Variants in PDSS2 observed in about 807,000 individuals in gnomAD.
The protein encoded by PDSS2 is all trans-polyprenyl-diphosphate synthase PDSS2.
Under a neutral mutation model 44.5 loss-of-function variants are expected in PDSS2, and 31 were observed. That is an observed-to-expected ratio of 0.70 (90% CI 0.52 to 0.94). The LOEUF is 0.94. PDSS2 is among the 40% of genes least tolerant of loss of function. The pLI is 0.00. For missense variants in PDSS2, 452 were observed against 482.2 expected (o/e 0.94, Z 0.59); for synonymous variants, 157 against 180.3 (o/e 0.87, Z 1.03).
chr6:107,378,223 T>A (rs1388101812), intron 1 of PDSS2, among the ~76,000 whole-genome samples: 1 of 149,976 alleles, frequency 6.7e-6, no homozygotes, highest in Non-Finnish European at 1.5e-5. Context: ...GGTAGAAACA[T>A]CCACTCACAC....
chr6:107,245,743 C>G (rs1233151334), intron 3 of PDSS2, 124 bp from the exon 4 acceptor site: 3 of 575,018 alleles, frequency 5.2e-6, no homozygotes, highest in Non-Finnish European at 9.0e-6. Context: ...AAAAATGGGA[C>G]TATGCACCAA....
intron 1 of PDSS2, among the ~76,000 whole-genome samples, chr6:107,388,082 CA>C (rs1444362436): frequency 6.6e-6 from 1 of 152,052 alleles, no homozygotes; most frequent in Non-Finnish European, 1.5e-5. Context: ...CCCTACCAAT[CA>C]AAAAACGAAG....
intron 6 of PDSS2, among the ~76,000 whole-genome samples, chr6:107,194,347 AT>A (rs1371186946): frequency 6.6e-6 from 1 of 151,902 alleles, no homozygotes; most frequent in Non-Finnish European, 1.5e-5. Flanking sequence ...TATTATTATC[AT>A]TTCTTCTTTT....
chr6:107,458,949 C>A, intron 1 of PDSS2, 41 bp downstream of exon 1: 1 of 1,597,850 alleles, frequency 6.3e-7, no homozygotes, highest in South Asian at 1.1e-5. Context: ...AAAAAGTATT[C>A]CAATGAGTGC....
At chr6:107,370,458 A>C (rs1036804466) in intron 1 of PDSS2, among the ~76,000 whole-genome samples, 1 of 152,236 alleles carries the variant, frequency 6.6e-6, no homozygotes, top group Middle Eastern at 3.2e-3. Flanking sequence ...TCACCAAACA[A>C]AGCTTCTTGA....
At chr6:107,362,937 A>C (rs1265861718) in intron 1 of PDSS2, among the ~76,000 whole-genome samples, 2 of 152,218 alleles carry the variant, frequency 1.3e-5, no homozygotes, top group African/African-American at 4.8e-5. Flanking sequence ...GCAGAAAAAG[A>C]AGCAATAACT....
intron 1 of PDSS2, among the ~76,000 whole-genome samples, chr6:107,406,695 A>T (rs1048879388): frequency 1.3e-5 from 2 of 152,234 alleles, no homozygotes; most frequent in Non-Finnish European, 2.9e-5. Flanking sequence ...CTGAGACCAG[A>T]AAGCTAACTA....
chr6:107,246,357 A>G (rs1205304314), intron 3 of PDSS2, among the ~76,000 whole-genome samples: 1 of 152,196 alleles, frequency 6.6e-6, no homozygotes, highest in Non-Finnish European at 1.5e-5. Flanking sequence ...TTAATTTGAG[A>G]GGATAAAATA....
At chr6:107,269,082 G>A (rs1775504978) in intron 3 of PDSS2, among the ~76,000 whole-genome samples, 1 of 151,912 alleles carries the variant, frequency 6.6e-6, no homozygotes. Flanking sequence ...TGGGATTACA[G>A]GCATGCACCA....
chr6:107,361,930 G>C (rs1044089161), intron 1 of PDSS2, among the ~76,000 whole-genome samples: 1 of 152,164 alleles, frequency 6.6e-6, no homozygotes, highest in East Asian at 1.9e-4. Flanking sequence ...TGCAGGGTAG[G>C]CTGTGAAAAC....
chr6:107,351,937 G>C (rs1415769709), intron 1 of PDSS2, among the ~76,000 whole-genome samples: 2 of 152,024 alleles, frequency 1.3e-5, no homozygotes, highest in Non-Finnish European at 2.9e-5. Context: ...TCATATTTTT[G>C]TGAAATTTTA....
At chr6:107,221,141 G>A (rs1195141437) in intron 4 of PDSS2, among the ~76,000 whole-genome samples, 2 of 152,130 alleles carry the variant, frequency 1.3e-5, no homozygotes, top group Admixed American at 6.5e-5. Flanking sequence ...AGGAGATTGA[G>A]ACCATCCTGG....
intron 6 of PDSS2, among the ~76,000 whole-genome samples, chr6:107,209,327 G>T (rs1210220706): frequency 6.6e-6 from 1 of 152,142 alleles, no homozygotes; most frequent in East Asian, 1.9e-4. Flanking sequence ...TCAAGTGGTG[G>T]GTCTTGCTGT....
rs558188628 is a variant in PDSS2, at chr6:107,387,126, C to A, written c.297-52794G>T. On this transcript the variant is annotated intron_variant, in intron 1 of 7. Coordinates refer to ENST00000369037, the MANE Select transcript of PDSS2 (RefSeq NM_020381.4). ...TATTTCTCCACCATTGCGGTCCACA[C>A]ATTCCCAAGGAGGGTCTGACTACTT... is the stretch of plus-strand genomic sequence containing the variant. 1.8e-4 allele frequency among the ~76,000 whole-genome samples: 28 copies of A among 152,352 alleles called. No homozygotes were observed. The South Asian group carries it at 5.8e-3, about 32-fold the overall frequency.
intron 7 of PDSS2, among the ~76,000 whole-genome samples, chr6:107,161,482 GAAAA>G (rs529825329): frequency 8.4e-6 from 1 of 119,704 alleles, no homozygotes; most frequent in Non-Finnish European, 1.7e-5. Context: ...TCCGTCTCAG[GAAAA>G]AAAAAAAAAA....
At chr6:107,430,626 T>C (rs1307909132) in intron 1 of PDSS2, among the ~76,000 whole-genome samples, 1 of 152,140 alleles carries the variant, frequency 6.6e-6, no homozygotes, top group East Asian at 1.9e-4. Context: ...CCTGGCCACA[T>C]GGTGAAACCC....
chr6:107,290,239 A>G (rs1160576972), intron 2 of PDSS2, among the ~76,000 whole-genome samples: 1 of 152,222 alleles, frequency 6.6e-6, no homozygotes, highest in Non-Finnish European at 1.5e-5. Flanking sequence ...TTAGAATGTG[A>G]ACTCTAAGGT....
chr6:107,181,539 A>AAAAAAAAG (rs1426021436), intron 7 of PDSS2, among the ~76,000 whole-genome samples: 9 of 144,830 alleles, frequency 6.2e-5, no homozygotes, highest in African/African-American at 2.3e-4. Flanking sequence ...GTCTCAAAAA[A>AAAAAAAAG]AAAAGAAAAG....
At chr6:107,171,845 C>A (rs964466834) in intron 7 of PDSS2, among the ~76,000 whole-genome samples, 3 of 152,082 alleles carry the variant, frequency 2.0e-5, no homozygotes, top group Admixed American at 1.3e-4. Flanking sequence ...CATTTCCATT[C>A]CTGCCTTCAT....
Sources: gnomAD v4.1 joint callset for allele counts (sites outside exome capture counted in the v4.1 genomes callset) on GRCh38, gnomAD v4.1.1 for gene constraint, MANE v1.5 for transcripts, NCBI Gene and HGNC (gene_info 2026-07-23, HGNC 2026-07-21) for gene names.